Variants in ITGB6 observed in about 807,000 individuals in gnomAD.
ITGB6 encodes the protein integrin beta-6.
ITGB6 carries 80 observed loss-of-function variants against 84.5 expected under a neutral mutation model. The ratio of observed to expected loss-of-function variants is 0.95; its 90% CI spans 0.79 to 1.14. The LOEUF (loss-of-function observed/expected upper bound fraction) is 1.14. Among genes scored for constraint, ITGB6 ranks in the 50% most tolerant of loss-of-function variants. ITGB6 has a pLI of 0.00. For missense variants in ITGB6, 1,006 were observed against 968.0 expected (o/e 1.04, Z -0.52); for synonymous variants, 383 against 354.9 (o/e 1.08, Z -0.89).
At chr2:160,190,107 G>A (rs1180550859) in intron 4 of ITGB6, among the ~76,000 whole-genome samples, 1 of 147,320 alleles carries the variant, frequency 6.8e-6, no homozygotes, top group Non-Finnish European at 1.5e-5. Flanking sequence ...CACAAGGACA[G>A]AAAACCAAAC....
chr2:160,155,756 C>T (rs1436376388), intron 7 of ITGB6, among the ~76,000 whole-genome samples: 3 of 152,132 alleles, frequency 2.0e-5, no homozygotes, highest in African/African-American at 2.4e-5. Flanking sequence ...AATATCTAAA[C>T]GATTCTACAT....
intron 14 of ITGB6, among the ~76,000 whole-genome samples, chr2:160,106,461 T>G (rs1010378343): frequency 2.0e-5 from 3 of 152,158 alleles, no homozygotes; most frequent in African/African-American, 7.2e-5. Flanking sequence ...CTCGAACTCC[T>G]GAGCTCAAGT....
intron 12 of ITGB6, among the ~76,000 whole-genome samples, chr2:160,118,684 G>T (rs1371570491): frequency 6.6e-6 from 1 of 151,548 alleles, no homozygotes; most frequent in Admixed American, 6.6e-5. Flanking sequence ...GCAGGAGAAG[G>T]AAATAAAGGG....
chr2:160,108,198 G>C (rs796730126), intron 13 of ITGB6, among the ~76,000 whole-genome samples: 22 of 143,348 alleles, frequency 1.5e-4, no homozygotes, highest in African/African-American at 5.6e-4. Flanking sequence ...CTGAGTTCAC[G>C]ATAAAGCAGA....
intron 11 of ITGB6, among the ~76,000 whole-genome samples, chr2:160,124,844 G>A (rs986959582): frequency 6.6e-6 from 1 of 152,228 alleles, no homozygotes; most frequent in African/African-American, 2.4e-5. Flanking sequence ...TTTTTCCACA[G>A]GAAGGGCAAC....
chr2:160,121,608 A>C (rs578219663), intron 12 of ITGB6, among the ~76,000 whole-genome samples: 1 of 151,898 alleles, frequency 6.6e-6, no homozygotes, highest in Admixed American at 6.6e-5. Flanking sequence ...ACATGGCAAA[A>C]CCCCATTTCT....
chr2:160,187,640 G>A (rs1685957203), intron 4 of ITGB6, among the ~76,000 whole-genome samples: 1 of 152,122 alleles, frequency 6.6e-6, no homozygotes. Context: ...TGCTTAAAGA[G>A]ATTTCCGAAT....
intron 7 of ITGB6, among the ~76,000 whole-genome samples, chr2:160,168,682 T>A (rs2105862642): frequency 6.6e-6 from 1 of 152,360 alleles, no homozygotes; most frequent in South Asian, 2.1e-4. Context: ...ACACTTGAGC[T>A]GCAAATCCAG....
intron 8 of ITGB6, among the ~76,000 whole-genome samples, chr2:160,141,274 G>A (rs1018711795): frequency 2.0e-4 from 31 of 151,950 alleles, no homozygotes; most frequent in African/African-American, 7.5e-4. Context: ...AAAAAAGGGG[G>A]GGTGATATTT....
intron 10 of ITGB6, among the ~76,000 whole-genome samples, chr2:160,131,290 G>A (rs1004218294): frequency 3.3e-5 from 5 of 152,306 alleles, no homozygotes; most frequent in Admixed American, 2.6e-4. Context: ...GGAGACTAAT[G>A]GAATTTGGGC....
intron 7 of ITGB6, among the ~76,000 whole-genome samples, chr2:160,168,522 T>C (rs553143429): frequency 2.0e-5 from 3 of 152,342 alleles, no homozygotes; most frequent in Admixed American, 6.5e-5. Context: ...TCAGGGCATT[T>C]TGACATATTT....
chr2:160,160,452 G>C (rs1164984720), intron 7 of ITGB6, among the ~76,000 whole-genome samples: 1 of 152,072 alleles, frequency 6.6e-6, no homozygotes, highest in Non-Finnish European at 1.5e-5. Context: ...TACCTCAACT[G>C]TTCAAGCTCA....
intron 12 of ITGB6, among the ~76,000 whole-genome samples, chr2:160,118,397 G>C (rs1286798833): frequency 6.6e-6 from 1 of 152,096 alleles, no homozygotes; most frequent in Non-Finnish European, 1.5e-5. Flanking sequence ...CATATAAACG[G>C]AACCAAAGAC....
chr2:160,136,923 G>GA (rs1343377118), intron 10 of ITGB6, among the ~76,000 whole-genome samples: 3 of 151,890 alleles, frequency 2.0e-5, no homozygotes, highest in South Asian at 2.1e-4. Context: ...AAGGGGGAGG[G>GA]ATAGCATTAG....
rs371801551 is a variant in ITGB6, at chr2:160,199,857, C to T, written c.61+146G>A. ...ACTGTGGGAACTGCCCGGTGTTTGTCTGTAATTTGTTAAAGTGTTCACTCA... is the reference window on the plus strand; with the variant it reads ...ACTGTGGGAACTGCCCGGTGTTTGTTTGTAATTTGTTAAAGTGTTCACTCA... On this transcript the variant is annotated intron_variant, in intron 1 of 14. Coordinates refer to ENST00000283249, the MANE Select transcript of ITGB6 (RefSeq NM_000888.5). 14 of 643,018 alleles carry T rather than the reference C, an allele frequency of 2.2e-5. No individual in the cohort carries two copies. The African/African-American group carries it at 2.4e-4, about 11-fold the overall frequency. 39.8% of individuals were successfully genotyped at this position (643,018 alleles called of 1,614,324 possible).
chr2:160,120,718 A>C (rs1280322274), intron 12 of ITGB6, among the ~76,000 whole-genome samples: 1 of 85,378 alleles, frequency 1.2e-5, no homozygotes, highest in Non-Finnish European at 2.5e-5. Flanking sequence ...ACACCATGGA[A>C]TACTATGCAG....
intron 4 of ITGB6, among the ~76,000 whole-genome samples, chr2:160,187,399 T>C (rs1213685035): frequency 6.6e-6 from 1 of 152,210 alleles, no homozygotes; most frequent in Non-Finnish European, 1.5e-5. Context: ...GAAACTACTT[T>C]CACCTGTTAT....
intron 4 of ITGB6, among the ~76,000 whole-genome samples, chr2:160,194,303 T>A (rs1686251572): frequency 6.6e-6 from 1 of 151,970 alleles, no homozygotes; most frequent in Admixed American, 6.6e-5. Flanking sequence ...TATGTTAGAT[T>A]GTAGTTGGGA....
intron 10 of ITGB6, among the ~76,000 whole-genome samples, chr2:160,128,516 G>T (rs1683326343): frequency 6.6e-6 from 1 of 152,186 alleles, no homozygotes. Context: ...ACAGGGTCAA[G>T]CTACAGACAG....
Sources: gnomAD v4.1 joint callset for allele counts (sites outside exome capture counted in the v4.1 genomes callset) on GRCh38, gnomAD v4.1.1 for gene constraint, MANE v1.5 for transcripts, NCBI Gene and HGNC (gene_info 2026-07-23, HGNC 2026-07-21) for gene names.